Variants in CAMTA1 observed in about 807,000 individuals in gnomAD.
CAMTA1 encodes the protein calmodulin-binding transcription activator 1.
CAMTA1 carries 27 observed loss-of-function variants against 170.9 expected under a neutral mutation model. That is an observed-to-expected ratio of 0.16 (90% CI 0.12 to 0.22). CAMTA1 has a LOEUF of 0.22. Ranked by LOEUF, CAMTA1 falls within the 10% of genes least tolerant of loss-of-function variation. The pLI, the probability that CAMTA1 is intolerant of heterozygous loss-of-function variation, is 1.00. For synonymous variants in CAMTA1, 833 were observed against 891.5 expected (o/e 0.93, Z 1.17); for missense variants, 1,619 against 2,217.2 (o/e 0.73, Z 5.42).
In CAMTA1 at chr1:7,499,594, G is replaced by A. The variant is rs541656688; in HGVS notation, c.510+31693G>A. Among the ~76,000 whole-genome samples the A allele has an allele frequency of 1.3e-4, 19 of 143,756 alleles. 2 individuals are homozygous for A. The highest frequency in any genetic ancestry group is 1.2e-3 in the South Asian group (5 of 4,060). 94.3% of individuals were successfully genotyped at this position (143,756 alleles called of 152,430 possible). A position where few individuals can be genotyped will look rare whatever the true frequency, so the allele number is the denominator to read the frequency against. Reference sequence around the variant, plus strand: ...GATGGTGTGAGCCTGGCGTGAGTGCGTATGTATATGAGTGTGTGTGTGCAT... The same window carrying A: ...GATGGTGTGAGCCTGGCGTGAGTGCATATGTATATGAGTGTGTGTGTGCAT... On this transcript the variant is annotated intron_variant, in intron 6 of 22. Coordinates refer to ENST00000303635, the MANE Select transcript of CAMTA1 (RefSeq NM_015215.4).
intron 4 of CAMTA1, among the ~76,000 whole-genome samples, chr1:7,222,538 C>T (rs562338288): frequency 1.6e-4 from 24 of 152,276 alleles, no homozygotes; most frequent in African/African-American, 2.4e-4. Context: ...TGTGCTCAGG[C>T]GGAGAGTGAG....
chr1:7,549,886 G>A (rs1330635607), intron 6 of CAMTA1, among the ~76,000 whole-genome samples: 2 of 152,150 alleles, frequency 1.3e-5, no homozygotes, highest in African/African-American at 2.4e-5. Flanking sequence ...TGGCCCTGGG[G>A]GCTCAGAGAA....
At chr1:7,201,281 T>C (rs1656642673) in intron 4 of CAMTA1, among the ~76,000 whole-genome samples, 1 of 152,358 alleles carries the variant, frequency 6.6e-6, no homozygotes, top group South Asian at 2.1e-4. Context: ...ATATAACTCA[T>C]TTGGCTTCAT....
At chr1:7,512,351 T>G (rs1043077847) in intron 6 of CAMTA1, among the ~76,000 whole-genome samples, 5 of 152,020 alleles carry the variant, frequency 3.3e-5, no homozygotes, top group Admixed American at 2.0e-4. Context: ...AGGGGGAGAT[T>G]GGGGTGGTCC....
Position 7,768,410 on chromosome 1 carries a change from G to C in CAMTA1, c.*1919G>C, listed in dbSNP as rs1028120472. 1.3e-5 allele frequency: 2 copies of C among 152,780 alleles called. No homozygotes were observed. Among genetic ancestry groups the C allele is most frequent in the African/African-American group, 2.4e-5 (1 of 41,458 alleles). The allele number at this position is 152,780 out of a possible 1,614,324, so 9.5% of individuals were successfully genotyped here. The stretch of plus-strand genomic sequence containing the variant: ...CCAGGTTACGTCTGAGGATCAGTTG[G>C]TGTAAAGCTGAGATGTTTTTTCTTG... On this transcript the variant is annotated 3_prime_UTR_variant, in exon 23 of 23. Transcript: ENST00000303635.
chr1:6,945,640 C>CCAGCCA, intron 3 of CAMTA1, among the ~76,000 whole-genome samples: 1 of 152,256 alleles, frequency 6.6e-6, no homozygotes. Context: ...ACCACTGTAC[C>CCAGCCA]CAGCCACCCT....
At chr1:7,056,457 C>A (rs1707338464) in intron 3 of CAMTA1, among the ~76,000 whole-genome samples, 1 of 152,114 alleles carries the variant, frequency 6.6e-6, no homozygotes, top group Non-Finnish European at 1.5e-5. Flanking sequence ...GGAGTAATTT[C>A]CTCTCCATCT....
rs1673588397 is a variant in CAMTA1 at position 6,887,606 on chromosome 1, AG to A, written c.234+62397del. 1 of 1,527,812 alleles carries A rather than the reference AG, an allele frequency of 6.5e-7. No homozygotes were observed. Among genetic ancestry groups the A allele is most frequent in the African/African-American group, 1.4e-5 (1 of 72,568 alleles). The allele number at this position is 1,527,812 out of a possible 1,614,324, so 94.6% of individuals were successfully genotyped here. A position where few individuals can be genotyped will look rare whatever the true frequency, so the allele number is the denominator to read the frequency against. ...GGCAAATTTTTCTTCAGTTAAAAAC[AG>A]AAATAGAAGCGACGGTTTTGACCCA... On this transcript the variant is annotated intron_variant, in intron 3 of 22. Transcript: ENST00000303635. This position sits in a 1 kb window ranked among gnomAD's most constrained non-coding sequence, Gnocchi z 4.1.
At chr1:7,702,558 A>G (rs887671169) in intron 11 of CAMTA1, among the ~76,000 whole-genome samples, 1 of 151,980 alleles carries the variant, frequency 6.6e-6, no homozygotes, top group Non-Finnish European at 1.5e-5. Flanking sequence ...CAATTCAACA[A>G]CCATCAGCTG....
intron 5 of CAMTA1, among the ~76,000 whole-genome samples, chr1:7,270,274 C>CATATATAT (rs1553296722): frequency 6.7e-5 from 2 of 29,712 alleles, no homozygotes; most frequent in African/African-American, 1.9e-4. Flanking sequence ...CACACACACA[C>CATATATAT]ATATATATAT....
chr1:6,904,825 TC>T (rs1225353939), intron 3 of CAMTA1, among the ~76,000 whole-genome samples: 1 of 141,528 alleles, frequency 7.1e-6, no homozygotes, highest in Admixed American at 7.6e-5. Flanking sequence ...ACTCCTGAGC[TC>T]AAGTGATCCT....
intron 3 of CAMTA1, among the ~76,000 whole-genome samples, chr1:7,090,941 A>G (rs1641384450): frequency 6.6e-6 from 1 of 152,186 alleles, no homozygotes; most frequent in Non-Finnish European, 1.5e-5. Context: ...AAACTTTCCA[A>G]TTATGGTCTC....
chr1:7,045,666 T>C (rs1306000498), intron 3 of CAMTA1, among the ~76,000 whole-genome samples: 1 of 152,270 alleles, frequency 6.6e-6, no homozygotes, highest in Non-Finnish European at 1.5e-5. Context: ...TGATTCCAGA[T>C]ATGAAATTGG....
At chr1:7,280,606 T>TCA (rs1226786540) in intron 5 of CAMTA1, among the ~76,000 whole-genome samples, 1 of 152,250 alleles carries the variant, frequency 6.6e-6, no homozygotes, top group Admixed American at 6.5e-5. Context: ...CGGTTTGCAG[T>TCA]CACTGTTCAG....
intron 4 of CAMTA1, among the ~76,000 whole-genome samples, chr1:7,108,889 A>G (rs1442170406): frequency 6.6e-6 from 1 of 152,150 alleles, no homozygotes; most frequent in Non-Finnish European, 1.5e-5. Context: ...GCTGCAGTCA[A>G]AGTGTTGCTG....
rs34139853 is a variant in CAMTA1, at chr1:7,730,908, A to ATCTC, written c.2915-1522_2915-1519dup. On this transcript the variant is annotated intron_variant, in intron 11 of 22. Transcript: ENST00000303635. The stretch of plus-strand genomic sequence containing the variant: ...AGTGAGATTCCATCTCAAAGTCTCA[A>ATCTC]TCTCTCTCTCTCTCTCTCTCTATAT... Among the ~76,000 whole-genome samples, 369 of 144,066 alleles carry ATCTC rather than the reference A, an allele frequency of 2.6e-3. 1 individual carries two copies. Among genetic ancestry groups the ATCTC allele is most frequent in the Middle Eastern group, 0.011 (3 of 278 alleles). 94.5% of individuals were successfully genotyped at this position (144,066 alleles called of 152,430 possible).
chr1:7,112,720 A>G (rs765713450), intron 4 of CAMTA1, among the ~76,000 whole-genome samples: 9 of 152,170 alleles, frequency 5.9e-5, no homozygotes, highest in Non-Finnish European at 8.8e-5. Context: ...GCAGGGTTAC[A>G]GTTACACGCT....
intron 3 of CAMTA1, among the ~76,000 whole-genome samples, chr1:7,060,931 G>A (rs1281624245): frequency 1.3e-5 from 2 of 152,190 alleles, no homozygotes; most frequent in Admixed American, 6.5e-5. Flanking sequence ...CGACTGGAGC[G>A]TGCTTGCCAA....
At chr1:7,088,578 C>T (rs78852863) in intron 3 of CAMTA1, among the ~76,000 whole-genome samples, 7,161 of 152,242 alleles carry the variant, frequency 0.047, 570 homozygotes, top group African/African-American at 0.16. Context: ...TCCCCTTCGG[C>T]GGGCCATAGC....
Sources: gnomAD v4.1 joint callset for allele counts (sites outside exome capture counted in the v4.1 genomes callset) on GRCh38, gnomAD v4.1.1 for gene constraint, Gnocchi (gnomAD v3.1) non-coding constraint, MANE v1.5 for transcripts, NCBI Gene and HGNC (gene_info 2026-07-23, HGNC 2026-07-21) for gene names.